The following RGS7 variants were observed in gnomAD, a reference collection of about 807,000 sequenced individuals.
RGS7 encodes the protein regulator of G-protein signaling 7.
In RGS7, 27 loss-of-function variants were observed where a neutral mutation model predicts 81.1. That is an observed-to-expected ratio of 0.33 (90% confidence interval 0.25 to 0.46). The LOEUF (loss-of-function observed/expected upper bound fraction) is 0.46, where lower values mean the gene tolerates loss of function less well. Ranked by LOEUF, RGS7 falls within the 20% of genes least tolerant of loss-of-function variation. The pLI is 1.00. For synonymous variants in RGS7, 208 were observed against 207.7 expected (o/e 1.00, Z -0.01); for missense variants, 396 against 607.4 (o/e 0.65, Z 3.66).
intron 3 of RGS7, among the ~76,000 whole-genome samples, chr1:240,987,944 A>G (rs1685917277): frequency 6.6e-6 from 1 of 152,130 alleles, no homozygotes; most frequent in South Asian, 2.1e-4. Flanking sequence ...ATTATCATCA[A>G]ATAGCATGTA....
chr1:241,010,071 A>G (rs2058881749), intron 3 of RGS7, among the ~76,000 whole-genome samples: 1 of 152,180 alleles, frequency 6.6e-6, no homozygotes, highest in Non-Finnish European at 1.5e-5. Flanking sequence ...CATTAGGAGA[A>G]ACACCTAATG....
intron 3 of RGS7, among the ~76,000 whole-genome samples, chr1:241,060,936 T>A (rs1396459875): frequency 1.3e-5 from 2 of 152,210 alleles, no homozygotes; most frequent in Non-Finnish European, 2.9e-5. Context: ...ACTCTAAGAA[T>A]GGTCTCTGGA....
intron 2 of RGS7, among the ~76,000 whole-genome samples, chr1:241,321,258 C>T (rs1430790353): frequency 6.6e-6 from 1 of 152,110 alleles, no homozygotes; most frequent in Non-Finnish European, 1.5e-5. Flanking sequence ...TTTTAGATAT[C>T]TCAAATTTGA....
chr1:241,308,200 C>G (rs1481412090), intron 2 of RGS7, among the ~76,000 whole-genome samples: 1 of 152,126 alleles, frequency 6.6e-6, no homozygotes, highest in Non-Finnish European at 1.5e-5. Flanking sequence ...CTTTAGCCTG[C>G]AGGCCAGGGC....
intron 2 of RGS7, among the ~76,000 whole-genome samples, chr1:241,349,115 C>A (rs1573792766): frequency 1.3e-5 from 2 of 152,294 alleles, no homozygotes; most frequent in Middle Eastern, 6.8e-3. Flanking sequence ...CATCAAACAG[C>A]TCTATGAAGA....
At chr1:240,830,209 G>A (rs778003981) in intron 9 of RGS7, among the ~76,000 whole-genome samples, 17 of 152,184 alleles carry the variant, frequency 1.1e-4, no homozygotes, top group South Asian at 2.1e-4. Context: ...CAAGCCATCC[G>A]GAGTTTCTTG....
chr1:240,865,278 G>T (rs1454546417), intron 9 of RGS7, among the ~76,000 whole-genome samples: 4 of 152,082 alleles, frequency 2.6e-5, no homozygotes, highest in African/African-American at 9.7e-5. Context: ...CTTTTTTACT[G>T]GTTGTTGGCT....
chr1:241,246,608 G>A (rs187247287), intron 2 of RGS7, among the ~76,000 whole-genome samples: 86 of 152,282 alleles, frequency 5.6e-4, no homozygotes, highest in African/African-American at 2.0e-3. Flanking sequence ...GATTTCGATT[G>A]AGTACTATCT....
At chr1:241,137,139 C>T (rs1390230113) in intron 2 of RGS7, among the ~76,000 whole-genome samples, 3 of 152,098 alleles carry the variant, frequency 2.0e-5, no homozygotes, top group African/African-American at 4.8e-5. Context: ...CTACTCCTTC[C>T]TCTCTCCCCT....
rs192886456 is a variant in RGS7, at chr1:241,236,659, G to A, written c.78+119040C>T. Among the ~76,000 whole-genome samples, 221 of 152,204 alleles carry A rather than the reference G, an allele frequency of 1.5e-3. 2 individuals carry two copies. Among genetic ancestry groups the A allele is most frequent in the African/African-American group, 5.1e-3 (213 of 41,510 alleles). On this transcript the variant is annotated intron_variant, in intron 2 of 18. Coordinates refer to ENST00000440928, the MANE Select transcript of RGS7 (RefSeq NM_001364886.1). ...AATCTGACAGAATATAAAGATTCTA[G>A]GACAAATCAAACCCAAGTGAAAGTT...
At chr1:241,340,988 A>C (rs1251131115) in intron 2 of RGS7, among the ~76,000 whole-genome samples, 2 of 152,218 alleles carry the variant, frequency 1.3e-5, no homozygotes. Flanking sequence ...GGGAGGCACC[A>C]TCTAGGCAGC....
chr1:240,898,523 C>T (rs1044654332), intron 6 of RGS7, among the ~76,000 whole-genome samples: 1 of 152,128 alleles, frequency 6.6e-6, no homozygotes, highest in Non-Finnish European at 1.5e-5. Context: ...TTTATTTCTG[C>T]CTTCATTTTG....
At chr1:240,824,408 T>C (rs1193246989) in intron 10 of RGS7, among the ~76,000 whole-genome samples, 1 of 152,206 alleles carries the variant, frequency 6.6e-6, no homozygotes, top group African/African-American at 2.4e-5. Context: ...AGCCACAGTA[T>C]AAAGATGGAG....
At chr1:241,161,696 A>G (rs1336296679) in intron 2 of RGS7, among the ~76,000 whole-genome samples, 2 of 149,784 alleles carry the variant, frequency 1.3e-5, no homozygotes, top group Non-Finnish European at 3.0e-5. Context: ...ATTACATCTC[A>G]TGTAATCATA....
intron 6 of RGS7, among the ~76,000 whole-genome samples, chr1:240,882,935 C>G (rs888159038): frequency 2.6e-5 from 4 of 152,170 alleles, no homozygotes; most frequent in African/African-American, 9.7e-5. Context: ...TGTTCCCCTT[C>G]CTGTGTCCAT....
intron 3 of RGS7, among the ~76,000 whole-genome samples, chr1:241,010,257 C>T (rs553320337): frequency 1.3e-5 from 2 of 152,298 alleles, no homozygotes; most frequent in African/African-American, 4.8e-5. Flanking sequence ...GAAGTGATGG[C>T]TGTGCTGGTG....
chr1:241,136,541 G>A (rs570331908), intron 2 of RGS7, among the ~76,000 whole-genome samples: 2 of 152,298 alleles, frequency 1.3e-5, no homozygotes, highest in African/African-American at 4.8e-5. Context: ...GAGGGGCCAC[G>A]TGGCACTGCG....
chr1:241,232,594 T>A (rs957650596), intron 2 of RGS7, among the ~76,000 whole-genome samples: 10 of 152,052 alleles, frequency 6.6e-5, no homozygotes, highest in African/African-American at 2.4e-4. Context: ...CCGCTAACTT[T>A]CTTCTTTTTC....
intron 9 of RGS7, among the ~76,000 whole-genome samples, chr1:240,827,772 G>C (rs1490741363): frequency 6.8e-6 from 1 of 146,170 alleles, no homozygotes; most frequent in Non-Finnish European, 1.5e-5. Context: ...GCTGAGGCAG[G>C]AGAATCACTT....
Sources: gnomAD v4.1 joint callset for allele counts (sites outside exome capture counted in the v4.1 genomes callset) on GRCh38, gnomAD v4.1.1 for gene constraint, MANE v1.5 for transcripts, NCBI Gene and HGNC (gene_info 2026-07-23, HGNC 2026-07-21) for gene names.